ALDH3A2: variants seen among roughly 807,000 people sequenced by gnomAD.
ALDH3A2 encodes the protein aldehyde dehydrogenase 3 family member A2, also known as aldehyde dehydrogenase family 3 member A2.
ALDH3A2 carries 36 observed loss-of-function variants against 51.3 expected under a neutral mutation model. The ratio of observed to expected loss-of-function variants is 0.70; its 90% CI spans 0.54 to 0.93. The LOEUF (loss-of-function observed/expected upper bound fraction) is 0.93, where lower values mean the gene tolerates loss of function less well. Among genes scored for constraint, ALDH3A2 ranks in the 40% least tolerant of loss-of-function variants. The pLI, the probability that ALDH3A2 is intolerant of heterozygous loss-of-function variation, is 0.00. For missense variants in ALDH3A2, 552 were observed against 603.1 expected (o/e 0.92, Z 0.89); for synonymous variants, 199 against 219.8 (o/e 0.91, Z 0.84).
At chr17:19,666,899 G>A (rs2085046198) in intron 8 of ALDH3A2, among the ~76,000 whole-genome samples, 1 of 150,982 alleles carries the variant, frequency 6.6e-6, no homozygotes, top group Non-Finnish European at 1.5e-5. Context: ...AAAAAAACAG[G>A]TTTACTCTCT....
At chr17:19,673,712 C>T (rs1021695578) in intron 9 of ALDH3A2, among the ~76,000 whole-genome samples, 1 of 151,314 alleles carries the variant, frequency 6.6e-6, no homozygotes, top group South Asian at 2.1e-4. Context: ...AGCAAGACTC[C>T]GTCTCCAAAA....
At position 19,672,213 on chromosome 17, in the gene ALDH3A2, A is replaced by G. The variant is rs2085126447; in HGVS notation, c.1443+257A>G. On this transcript the variant is annotated intron_variant, in intron 9 of 9. Transcript: ENST00000176643. ...TTGCAACAGAGGCTGAATGGCCCTC[A>G]GAGCCTAAATTATTACAGAAAAGTT... 3 of 548,726 alleles carry G rather than the reference A, an allele frequency of 5.5e-6. No homozygotes were observed. In the African/African-American group the frequency reaches 5.7e-5, roughly 10 times the overall value. The allele number at this position is 548,726 out of a possible 1,614,324, so 34.0% of individuals were successfully genotyped here. A position where few individuals can be genotyped will look rare whatever the true frequency, so the allele number is the denominator to read the frequency against.
At chr17:19,675,431 C>A (rs2085174801) in intron 9 of ALDH3A2, 127 bp from the exon 10 acceptor site, 2 of 958,068 alleles carry the variant, frequency 2.1e-6, no homozygotes, top group Non-Finnish European at 3.4e-6. Context: ...CTTTTTTGTA[C>A]AATGCATGTA....
chr17:19,656,125 C>T, intron 3 of ALDH3A2: 1 of 530,106 alleles, frequency 1.9e-6, no homozygotes, highest in South Asian at 2.0e-5. Flanking sequence ...TTGCTGAGCT[C>T]ATGTAAAAAA....
chr17:19,664,340 G>T (rs1389350525), intron 7 of ALDH3A2, among the ~76,000 whole-genome samples: 1 of 152,188 alleles, frequency 6.6e-6, no homozygotes, highest in Non-Finnish European at 1.5e-5. Context: ...GTCACCCGAG[G>T]TCACTATAGT....
chr17:19,657,808 CTG>C lies in ALDH3A2; in HGVS notation c.747_748del (p.Cys249Ter), dbSNP rs1395256445. Reference sequence around the variant, plus strand: ...CCTGCATTGCACCCGACTATATTCTCTGTGAAGCATCCCTCCAAAATCAAATT... The same window carrying C: ...CCTGCATTGCACCCGACTATATTCTCTGAAGCATCCCTCCAAAATCAAATT... ...QTCIAPDYIL[C>X]EASLQNQIVW... is the part of the protein sequence containing the mutation. On this transcript the variant is annotated frameshift_variant, in exon 5 of 10. Coordinates refer to ENST00000176643, the MANE Select transcript of ALDH3A2 (RefSeq NM_000382.3). LOFTEE classifies it high-confidence loss of function. 4 of 1,613,904 alleles carry C rather than the reference CTG, an allele frequency of 2.5e-6. No individual in the cohort carries two copies. Among genetic ancestry groups the C allele is most frequent in the Non-Finnish European group, 3.4e-6 (4 of 1,179,928 alleles).
In ALDH3A2 at chr17:19,675,684, C is replaced by A; in HGVS notation, c.*112C>A. 1 of 1,224,060 alleles carries A rather than the reference C, an allele frequency of 8.2e-7. No individual in the cohort carries two copies. Among genetic ancestry groups the A allele is most frequent in the Non-Finnish European group, 1.2e-6 (1 of 828,286 alleles). The allele number at this position is 1,224,060 out of a possible 1,614,324, so 75.8% of individuals were successfully genotyped here. A position where few individuals can be genotyped will look rare whatever the true frequency, so the allele number is the denominator to read the frequency against. ...CAAAAATAGTAAGAAAATATGCAAA[C>A]ACTCTGTGATCAAACTTAAAAGTCA... On this transcript the variant is annotated 3_prime_UTR_variant, in exon 10 of 10. Coordinates refer to ENST00000176643, the MANE Select transcript of ALDH3A2 (RefSeq NM_000382.3).
rs2152326489 is a variant in ALDH3A2, at chr17:19,651,711, G to A, written c.318G>A (p.Leu106=). 1 of 1,614,228 alleles carries A rather than the reference G, an allele frequency of 6.2e-7. No homozygotes were observed. Among genetic ancestry groups the A allele is most frequent in the Middle Eastern group, 1.6e-4 (1 of 6,062 alleles). The change falls in exon 2 of 10, where the codon CTG becomes CTA. Residue 106 remains leucine (L), a synonymous_variant. Transcript: ENST00000176643. ...YIQPQPLGVV[L]IIGAWNYPFV... ...AGCCACAGCCTCTGGGAGTGGTGCTGATAATCGGAGCTTGGAATTACCCCT... is the reference window on the plus strand; with the variant it reads ...AGCCACAGCCTCTGGGAGTGGTGCTAATAATCGGAGCTTGGAATTACCCCT...
In ALDH3A2 at chr17:19,676,866, G is replaced by C. The variant is rs1465329675; in HGVS notation, c.*1294G>C. On this transcript the variant is annotated 3_prime_UTR_variant, in exon 10 of 10. Coordinates refer to ENST00000176643, the MANE Select transcript of ALDH3A2 (RefSeq NM_000382.3). ...AGTGAGGGAACCATTTCCTCTCACA[G>C]ACAAAGAGGCCTGGGATATTAGGAC... is the stretch of plus-strand genomic sequence containing the variant. 2 of 152,176 alleles carry C rather than the reference G, an allele frequency of 1.3e-5. No homozygotes were observed. Among genetic ancestry groups the C allele is most frequent in the African/African-American group, 4.8e-5 (2 of 41,446 alleles). The allele number at this position is 152,176 out of a possible 1,614,324, so 9.4% of individuals were successfully genotyped here. A position where few individuals can be genotyped will look rare whatever the true frequency, so the allele number is the denominator to read the frequency against.
intron 5 of ALDH3A2, among the ~76,000 whole-genome samples, chr17:19,659,123 T>C (rs570525135): frequency 6.6e-6 from 1 of 151,862 alleles, no homozygotes; most frequent in African/African-American, 2.4e-5. Flanking sequence ...TCTAGCTACT[T>C]GGGAGGCTGA....
intron 5 of ALDH3A2, among the ~76,000 whole-genome samples, chr17:19,658,782 A>G (rs2084930773): frequency 6.6e-6 from 1 of 151,870 alleles, no homozygotes; most frequent in Admixed American, 6.6e-5. Flanking sequence ...TGGGATGACC[A>G]AATGACCAGT....
At chr17:19,672,520 A>T (rs1168619564) in intron 9 of ALDH3A2, 2 of 174,768 alleles carry the variant, frequency 1.1e-5, no homozygotes, top group Non-Finnish European at 2.5e-5. Flanking sequence ...CATTATAGGG[A>T]TGGGCTTGCA....
rs766220815 is a variant in ALDH3A2 at position 19,656,555 on chromosome 17, G to A, written c.661G>A (p.Asp221Asn). 39 of 1,613,028 alleles carry A rather than the reference G, an allele frequency of 2.4e-5. No individual in the cohort carries two copies. The highest frequency in any genetic ancestry group is 3.3e-5 in the Non-Finnish European group (39 of 1,179,560). The part of the protein sequence containing the change: ...KSPCYIDKDC[D>N]LDIVCRRITW... ...TCCATGTTATATTGATAAAGATTGT[G>A]ACCTGGACATTGTTTGCAGGTGAGT... is the stretch of plus-strand genomic sequence containing the variant. The change falls in exon 4 of 10, where the codon GAC becomes AAC. Residue 221 changes from aspartate to asparagine, a missense_variant. Physicochemically the swap from Asp to Asn is conservative, Grantham distance 23. Transcript: ENST00000176643.
At chr17:19,653,529 G>A (rs1479325672) in intron 3 of ALDH3A2, among the ~76,000 whole-genome samples, 1 of 152,200 alleles carries the variant, frequency 6.6e-6, no homozygotes, top group Non-Finnish European at 1.5e-5. Context: ...TGAAGCTGCA[G>A]ACCTTCGTGG....
chr17:19,666,759 A>G (rs2085042840), intron 8 of ALDH3A2, among the ~76,000 whole-genome samples: 1 of 151,266 alleles, frequency 6.6e-6, no homozygotes, highest in African/African-American at 2.4e-5. Flanking sequence ...CCTGGCAAAC[A>G]GAGCGAGACT....
In ALDH3A2 at chr17:19,675,891, G is replaced by A; in HGVS notation, c.*319G>A. The stretch of plus-strand genomic sequence containing the variant: ...TGTAAGGGAGTCTCAGAACCTCACT[G>A]AATCCTTCACTCCAGTTAATGGCAC... On this transcript the variant is annotated 3_prime_UTR_variant, in exon 10 of 10. Transcript: ENST00000176643. 2 of 396,064 alleles carry A rather than the reference G, an allele frequency of 5.0e-6. No individual in the cohort carries two copies. Among genetic ancestry groups the A allele is most frequent in the Non-Finnish European group, 9.5e-6 (2 of 211,548 alleles). 24.5% of individuals were successfully genotyped at this position (396,064 alleles called of 1,614,324 possible).
intron 8 of ALDH3A2, among the ~76,000 whole-genome samples, chr17:19,670,089 T>C (rs542679111): frequency 1.3e-5 from 2 of 152,310 alleles, no homozygotes; most frequent in South Asian, 4.1e-4. Context: ...AAGTAAAAGC[T>C]CCTCATTATT....
At chr17:19,652,844 G>T in intron 3 of ALDH3A2, 1 of 573,642 alleles carries the variant, frequency 1.7e-6, no homozygotes, top group Non-Finnish European at 3.1e-6. Context: ...CACAATATAT[G>T]TAGGCCCATG....
intron 1 of ALDH3A2, chr17:19,649,894 GTTTT>G (rs1036162948): frequency 6.3e-6 from 1 of 158,562 alleles, no homozygotes; most frequent in African/African-American, 2.4e-5. Context: ...TGTGTGTGTG[GTTTT>G]TTTGTTTGTT....
Sources: gnomAD v4.1 joint callset for allele counts (sites outside exome capture counted in the v4.1 genomes callset) on GRCh38, gnomAD v4.1.1 for gene constraint, MANE v1.5 for transcripts, NCBI Gene and HGNC (gene_info 2026-07-23, HGNC 2026-07-21) for gene names.